The following EYS variants were observed in gnomAD, a reference collection of about 807,000 sequenced individuals.
EYS encodes the protein EGF-like photoreceptor maintenance factor.
Under a neutral mutation model 282.1 loss-of-function variants are expected in EYS, and 250 were observed. That is an observed-to-expected ratio of 0.89 (90% CI 0.80 to 0.98). The LOEUF (loss-of-function observed/expected upper bound fraction) is 0.98, where lower values mean the gene tolerates loss of function less well. Ranked by LOEUF, EYS falls within the 50% of genes least tolerant of loss-of-function variation. The pLI, the probability that EYS is intolerant of heterozygous loss-of-function variation, is 0.00. For missense variants in EYS, 4,016 were observed against 3,709.0 expected (o/e 1.08, Z -2.15); for synonymous variants, 1,355 against 1,282.9 (o/e 1.06, Z -1.20).
At chr6:64,053,346 T>C (rs1035662800) in intron 33 of EYS, among the ~76,000 whole-genome samples, 7 of 152,156 alleles carry the variant, frequency 4.6e-5, no homozygotes, top group Non-Finnish European at 5.9e-5. Flanking sequence ...GTTCAGTAAT[T>C]TTATAAAGCA....
chr6:65,694,863 A>G (rs1235138738), intron 1 of EYS, among the ~76,000 whole-genome samples: 1 of 152,024 alleles, frequency 6.6e-6, no homozygotes, highest in East Asian at 1.9e-4. Context: ...AAAGTGTTTA[A>G]TAATCTCAAG....
intron 2 of EYS, among the ~76,000 whole-genome samples, chr6:65,602,604 G>A (rs1443123515): frequency 6.6e-6 from 1 of 151,904 alleles, no homozygotes; most frequent in African/African-American, 2.4e-5. Context: ...TCTAAATGCT[G>A]GCCTTTGTGG....
At chr6:64,316,805 T>G (rs1288885783) in intron 29 of EYS, among the ~76,000 whole-genome samples, 1 of 152,148 alleles carries the variant, frequency 6.6e-6, no homozygotes, top group Non-Finnish European at 1.5e-5. Context: ...GCTACATGAC[T>G]TCAAACTATA....
At chr6:65,665,499 G>C (rs1045255090) in intron 1 of EYS, among the ~76,000 whole-genome samples, 1 of 152,100 alleles carries the variant, frequency 6.6e-6, no homozygotes, top group Non-Finnish European at 1.5e-5. Context: ...GGTTTTATGA[G>C]AATTACAGCA....
chr6:64,912,766 T>G lies in EYS; in HGVS notation c.2382-23A>C, dbSNP rs138624481. ...CATCTGAAATAAAATATTAAAATTT[T>G]TAGAAGTGTGAACTCTTTTTCAAGT... On this transcript the variant is annotated intron_variant, in intron 15 of 42. Coordinates refer to ENST00000503581, the MANE Select transcript of EYS (RefSeq NM_001142800.2). 8.5e-5 allele frequency: 112 copies of G among 1,318,234 alleles called. 1 individual carries two copies. The African/African-American group carries it at 1.6e-3, about 19-fold the overall frequency. The allele number at this position is 1,318,234 out of a possible 1,614,324, so 81.7% of individuals were successfully genotyped here.
chr6:65,636,727 A>G, intron 2 of EYS, among the ~76,000 whole-genome samples: 1 of 152,294 alleles, frequency 6.6e-6, no homozygotes, highest in Middle Eastern at 3.4e-3. Context: ...TTTATGTACT[A>G]TAATATACAC....
intron 30 of EYS, among the ~76,000 whole-genome samples, chr6:64,250,920 T>C (rs932852683): frequency 2.0e-5 from 3 of 152,190 alleles, no homozygotes; most frequent in Admixed American, 1.3e-4. Flanking sequence ...ATTATTTGTA[T>C]AGTTTAGTCT....
In EYS at chr6:64,178,799, G is replaced by A. The variant is rs905988553; in HGVS notation, c.6424+51793C>T. 1.2e-4 allele frequency among the ~76,000 whole-genome samples: 18 copies of A among 152,002 alleles called. 1 individual carries two copies. The highest frequency in any genetic ancestry group is 2.2e-4 in the Non-Finnish European group (15 of 67,992). Reference sequence around the variant, plus strand: ...ATATAATCCCTTACTCCTGACACTGGTAGTTATTTGCTCATATTCTTACAA... The same window carrying A: ...ATATAATCCCTTACTCCTGACACTGATAGTTATTTGCTCATATTCTTACAA... On this transcript the variant is annotated intron_variant, in intron 31 of 42. Transcript: ENST00000503581.
intron 34 of EYS, among the ~76,000 whole-genome samples, chr6:63,991,939 T>C (rs1767623609): frequency 6.6e-6 from 1 of 151,708 alleles, no homozygotes; most frequent in Admixed American, 6.6e-5. Flanking sequence ...GGTGATATAT[T>C]TAAAGTGCTA....
At chr6:64,757,411 T>G (rs932118977) in intron 22 of EYS, among the ~76,000 whole-genome samples, 1 of 151,880 alleles carries the variant, frequency 6.6e-6, no homozygotes, top group African/African-American at 2.4e-5. Flanking sequence ...ACTAAATATT[T>G]TGTGGCAAAA....
rs1773523364 is a variant in EYS at position 63,895,888 on chromosome 6, C to A, written c.7056-31530G>T. On this transcript the variant is annotated intron_variant, in intron 35 of 42. Transcript: ENST00000503581. ...TTTATGTGGACAATTCTTATTTAAT[C>A]GTTGAGATCATGATTTGTTTTTTTT... 2.4e-5 allele frequency among the ~76,000 whole-genome samples: 3 copies of A among 126,752 alleles called. No individual in the cohort carries two copies. The South Asian group carries it at 8.0e-4, about 34-fold the overall frequency. 83.2% of individuals were successfully genotyped at this position (126,752 alleles called of 152,430 possible).
chr6:65,452,713 G>A (rs1764450523), intron 5 of EYS, among the ~76,000 whole-genome samples: 1 of 152,018 alleles, frequency 6.6e-6, no homozygotes, highest in Admixed American at 6.6e-5. Flanking sequence ...TCCAGCCTGA[G>A]GGAACTATGT....
rs567118431 is a variant in EYS at position 64,615,975 on chromosome 6, T to G, written c.3684+1443A>C. 4.6e-5 allele frequency among the ~76,000 whole-genome samples: 7 copies of G among 152,196 alleles called. No homozygotes were observed. In the East Asian group the frequency reaches 1.2e-3, roughly 25 times the overall value. On this transcript the variant is annotated intron_variant, in intron 24 of 42. Transcript: ENST00000503581. ...TTATCCTTCAGATTTGATTTTTTTA[T>G]TAAAGAAAGAGCTCAAATATTAATA...
intron 2 of EYS, among the ~76,000 whole-genome samples, chr6:65,523,539 G>A (rs1767448418): frequency 1.3e-5 from 2 of 152,060 alleles, no homozygotes; most frequent in South Asian, 2.1e-4. Flanking sequence ...GGGAAAATGG[G>A]GAAATTTTGG....
intron 12 of EYS, among the ~76,000 whole-genome samples, chr6:65,123,147 T>G (rs934687136): frequency 6.6e-6 from 1 of 152,112 alleles, no homozygotes; most frequent in African/African-American, 2.4e-5. Flanking sequence ...TAAACATCCT[T>G]TCTTCGACTG....
intron 35 of EYS, among the ~76,000 whole-genome samples, chr6:63,911,735 AT>A: frequency 6.6e-6 from 1 of 152,174 alleles, no homozygotes; most frequent in Non-Finnish European, 1.5e-5. Context: ...TCCTTTGACA[AT>A]TTTAAAAATT....
intron 22 of EYS, among the ~76,000 whole-genome samples, chr6:64,654,081 T>A (rs1214145178): frequency 6.6e-6 from 1 of 152,200 alleles, no homozygotes; most frequent in Non-Finnish European, 1.5e-5. Context: ...TACCTTAAGA[T>A]GTTTTATAGT....
intron 26 of EYS, among the ~76,000 whole-genome samples, chr6:64,464,272 G>A (rs901625845): frequency 6.6e-6 from 1 of 152,016 alleles, no homozygotes. Flanking sequence ...AAAACTCTCA[G>A]CAAATTACGT....
chr6:65,414,813 T>G (rs1293978391), intron 5 of EYS, among the ~76,000 whole-genome samples: 2 of 152,078 alleles, frequency 1.3e-5, no homozygotes, highest in Non-Finnish European at 2.9e-5. Context: ...GGATAGTATT[T>G]AAAGCCAAGA....
Sources: allele counts gnomAD v4.1 joint callset (sites outside exome capture counted in the v4.1 genomes callset), GRCh38; gene constraint gnomAD v4.1.1; transcripts MANE v1.5; gene names NCBI Gene and HGNC (gene_info 2026-07-23, HGNC 2026-07-21).